Variants in PLXNA4 observed in about 807,000 individuals in gnomAD.
PLXNA4 encodes plexin-A4.
PLXNA4 carries 44 observed loss-of-function variants against 191.8 expected under a neutral mutation model. The ratio of observed to expected loss-of-function variants is 0.23; its 90% CI spans 0.18 to 0.29. PLXNA4 has a LOEUF of 0.29. Ranked by LOEUF, PLXNA4 falls within the 10% of genes least tolerant of loss-of-function variation. The pLI is 1.00. For synonymous variants in PLXNA4, 1,082 were observed against 1,009.5 expected, an observed-to-expected ratio of 1.07 and a Z score of -1.36; for missense variants, 1,800 against 2,488.8, an observed-to-expected ratio of 0.72 and a Z score of 5.89.
At chr7:132,207,787 A>C (rs1797674684) in intron 10 of PLXNA4, among the ~76,000 whole-genome samples, 1 of 152,196 alleles carries the variant, frequency 6.6e-6, no homozygotes, top group Non-Finnish European at 1.5e-5. Flanking sequence ...GGAAATGAAA[A>C]AATTTGTCCT....
intron 4 of PLXNA4, among the ~76,000 whole-genome samples, chr7:132,252,336 G>A (rs997813034): frequency 9.2e-6 from 1 of 108,134 alleles, no homozygotes; most frequent in Non-Finnish European, 1.7e-5. Flanking sequence ...TTTTGAGATG[G>A]AGTCTCACTC....
chr7:132,386,921 T>C (rs1805172998), intron 3 of PLXNA4, among the ~76,000 whole-genome samples: 2 of 152,330 alleles, frequency 1.3e-5, no homozygotes, highest in Middle Eastern at 3.4e-3. Context: ...CTGTAAAATT[T>C]CCCATCTACT....
At chr7:132,483,048 C>T (rs73444833) in intron 3 of PLXNA4, among the ~76,000 whole-genome samples, 2 of 152,164 alleles carry the variant, frequency 1.3e-5, no homozygotes, top group African/African-American at 4.8e-5. Flanking sequence ...AGAACTGCTG[C>T]GAAAAGCAGC....
chr7:132,370,956 G>A lies in PLXNA4; in HGVS notation c.1372-72734C>T, dbSNP rs1180322507. On this transcript the variant is annotated intron_variant, in intron 3 of 31. Transcript: ENST00000321063. ...GAGAGCTGATGCCTGGTTGGCATGA[G>A]CACCTGAATTAGTGTTGGCCACATA... Among the ~76,000 whole-genome samples the A allele has an allele frequency of 2.0e-5, 3 of 152,230 alleles. No homozygotes were observed. In the East Asian group the frequency reaches 5.8e-4, roughly 29 times the overall value.
At chr7:132,577,639 C>A (rs1037444690), upstream of PLXNA4, among the ~76,000 whole-genome samples, 1 of 152,154 alleles carries the variant, frequency 6.6e-6, no homozygotes, top group South Asian at 2.1e-4. Context: ...TCGGCCCGCA[C>A]GGAGCTACCC....
intron 3 of PLXNA4, among the ~76,000 whole-genome samples, chr7:132,345,907 T>G (rs1345184639): frequency 1.3e-5 from 2 of 152,104 alleles, no homozygotes; most frequent in East Asian, 3.9e-4. Context: ...TCTCCTCTAC[T>G]GTTTCTCCTC....
intron 3 of PLXNA4, among the ~76,000 whole-genome samples, chr7:132,391,394 G>T (rs1336903043): frequency 6.6e-6 from 1 of 152,252 alleles, no homozygotes; most frequent in Admixed American, 6.5e-5. Flanking sequence ...ACTGGGGACA[G>T]CTTGTGCTGA....
chr7:132,279,756 C>G (rs1800409171), intron 4 of PLXNA4, among the ~76,000 whole-genome samples: 1 of 152,218 alleles, frequency 6.6e-6, no homozygotes, highest in Non-Finnish European at 1.5e-5. Flanking sequence ...CTGCCACCCA[C>G]AGTAAACTGT....
At chr7:132,409,691 C>T (rs950421950) in intron 3 of PLXNA4, among the ~76,000 whole-genome samples, 4 of 152,214 alleles carry the variant, frequency 2.6e-5, no homozygotes, top group African/African-American at 9.7e-5. Flanking sequence ...CCATCTTTCC[C>T]ACCGTTCAGA....
intron 2 of PLXNA4, among the ~76,000 whole-genome samples, chr7:132,503,810 T>C (rs1474865944): frequency 3.3e-5 from 5 of 152,268 alleles, no homozygotes; most frequent in Non-Finnish European, 7.4e-5. Context: ...ACAGACCCTC[T>C]AGGACCCCCC....
intron 2 of PLXNA4, among the ~76,000 whole-genome samples, chr7:132,600,034 TTGATAA>T (rs1370417509): frequency 1.3e-5 from 2 of 152,216 alleles, no homozygotes; most frequent in Admixed American, 6.5e-5. Context: ...TAAATCCTAC[TTGATAA>T]TGATGTGTTT....
chr7:132,486,607 G>A (rs1797568010), intron 3 of PLXNA4, among the ~76,000 whole-genome samples: 1 of 152,298 alleles, frequency 6.6e-6, no homozygotes, highest in Middle Eastern at 3.4e-3. Flanking sequence ...GAGGACCGAA[G>A]GCTCATTCCC....
intron 3 of PLXNA4, among the ~76,000 whole-genome samples, chr7:132,450,183 C>A (rs142972038): frequency 2.2e-4 from 33 of 152,288 alleles, no homozygotes; most frequent in African/African-American, 7.9e-4. Flanking sequence ...GAGATGGGAT[C>A]GGGATGTAGG....
chr7:132,585,456 G>A (rs1439190982), intron 2 of PLXNA4, among the ~76,000 whole-genome samples: 1 of 152,132 alleles, frequency 6.6e-6, no homozygotes. Context: ...TGTGAGTTCT[G>A]AAAAACACAA....
chr7:132,148,531 C>T lies in PLXNA4; in HGVS notation c.4764+12G>A. 1 of 1,613,988 alleles carries T rather than the reference C, an allele frequency of 6.2e-7. No individual in the cohort carries two copies. The highest frequency in any genetic ancestry group is 8.5e-7 in the Non-Finnish European group (1 of 1,179,934). On this transcript the variant is annotated intron_variant, in intron 26 of 31. Coordinates refer to ENST00000321063, the MANE Select transcript of PLXNA4 (RefSeq NM_020911.2). ...AGTTGGCTAGCTCCTCCCCTTTCCA[C>T]ATTCCCCTCACCTGGTAGTGGGCCA... is the stretch of plus-strand genomic sequence containing the variant.
intron 4 of PLXNA4, among the ~76,000 whole-genome samples, chr7:132,262,289 G>A (rs982873950): frequency 3.3e-5 from 5 of 152,156 alleles, no homozygotes; most frequent in Admixed American, 2.0e-4. Context: ...GCCGCTCGGG[G>A]GCTGCCACCC....
Position 132,298,200 on chromosome 7 carries a change from C to T in PLXNA4, c.1394G>A (p.Gly465Asp). ...CACCGTCTCATACTGGAGGGCGTTGCCCCTGGGTCCATCCACCCGGATCTG... is the reference window on the plus strand; with the variant it reads ...CACCGTCTCATACTGGAGGGCGTTGTCCCTGGGTCCATCCACCCGGATCTG... ...LKKIRVDGPR[G>D]NALQYETVQV... The change falls in exon 4 of 32, where the codon GGC becomes GAC. Residue 465 changes from glycine to aspartate, a missense_variant. Transcript: ENST00000321063. 2 of 1,613,808 alleles carry T rather than the reference C, an allele frequency of 1.2e-6. No homozygotes were observed. The highest frequency in any genetic ancestry group is 2.7e-5 in the African/African-American group (2 of 75,056).
intron 3 of PLXNA4, among the ~76,000 whole-genome samples, chr7:132,427,755 C>T (rs1320900517): frequency 1.3e-5 from 2 of 152,176 alleles, no homozygotes; most frequent in African/African-American, 2.4e-5. Context: ...TTCTCCTGCC[C>T]GATGCCTTCT....
intron 1 of PLXNA4, among the ~76,000 whole-genome samples, chr7:132,561,879 TTCTCC>T (rs1801136377): frequency 7.0e-6 from 1 of 142,708 alleles, no homozygotes; most frequent in Non-Finnish European, 1.5e-5. Context: ...CTCCTCCTCC[TTCTCC>T]TCTGCCTTCT....
Sources: gnomAD v4.1 joint callset for allele counts (sites outside exome capture counted in the v4.1 genomes callset) on GRCh38, gnomAD v4.1.1 for gene constraint, MANE v1.5 for transcripts, NCBI Gene and HGNC (gene_info 2026-07-23, HGNC 2026-07-21) for gene names.